EVC: variants seen among roughly 807,000 people sequenced by gnomAD.
EVC encodes evC complex member EVC.
EVC carries 116 observed loss-of-function variants against 118.9 expected under a neutral mutation model. The observed-to-expected ratio is 0.98, with a 90% CI of 0.84 to 1.14. The LOEUF is 1.14. EVC is among the 50% of genes most tolerant of loss of function. EVC has a pLI of 0.00. For missense variants in EVC, 1,401 were observed against 1,246.4 expected, an observed-to-expected ratio of 1.12 and a Z score of -1.87; for synonymous variants, 619 against 534.7, an observed-to-expected ratio of 1.16 and a Z score of -2.18.
chr4:5,736,559 G>T (rs562639587), intron 5 of EVC, among the ~76,000 whole-genome samples: 1 of 149,390 alleles, frequency 6.7e-6, no homozygotes, highest in African/African-American at 2.5e-5. Context: ...TCTGCATCCA[G>T]CAAGTCTGTT....
chr4:5,815,782 ACCTGACGTCC>A (rs1221461468), downstream of EVC, among the ~76,000 whole-genome samples: 1 of 151,984 alleles, frequency 6.6e-6, no homozygotes, highest in Non-Finnish European at 1.5e-5. Flanking sequence ...TTTGATTCGC[ACCTGACGTCC>A]CCCCTGGAAT....
rs558758070 is a variant in EVC, at chr4:5,731,250, C to A, written c.385-175C>A. On this transcript the variant is annotated intron_variant, in intron 3 of 20. Coordinates refer to ENST00000264956, the MANE Select transcript of EVC (RefSeq NM_153717.3). This position sits in a 1 kb window ranked among gnomAD's most constrained non-coding sequence, Gnocchi z 5.6. ...ACTGTGATTCGGGCCTCTGGGCTGT[C>A]GATGTGGCAGAACCTGGGACGGAAA... Among the ~76,000 whole-genome samples the A allele has an allele frequency of 6.6e-6, 1 of 152,042 alleles. No individual in the cohort carries two copies. Among genetic ancestry groups the A allele is most frequent in the East Asian group, 1.9e-4 (1 of 5,164 alleles).
At chr4:5,733,987 C>T (rs1344510755) in intron 5 of EVC, among the ~76,000 whole-genome samples, 1 of 152,056 alleles carries the variant, frequency 6.6e-6, no homozygotes, top group Non-Finnish European at 1.5e-5. Context: ...TTCATGGGGC[C>T]ACGTGTTCTC....
chr4:5,711,268 C>T lies in EVC; in HGVS notation c.-113C>T. The T allele has an allele frequency of 1.5e-6, 1 of 683,952 alleles. No homozygotes were observed. The highest frequency in any genetic ancestry group is 1.8e-6 in the Non-Finnish European group (1 of 553,876). 42.4% of individuals were successfully genotyped at this position (683,952 alleles called of 1,614,324 possible). A position where few individuals can be genotyped will look rare whatever the true frequency, so the allele number is the denominator to read the frequency against. On this transcript the variant is annotated 5_prime_UTR_variant, in exon 1 of 21. Transcript: ENST00000264956. ...GAGACTGCACAGGCCAGAAAGTCTGCGGAGCGGGCCGCGCCCCTGGCCCGC... is the reference window on the plus strand; with the variant it reads ...GAGACTGCACAGGCCAGAAAGTCTGTGGAGCGGGCCGCGCCCCTGGCCCGC...
chr4:5,761,943 G>C (rs1267056321), intron 11 of EVC, among the ~76,000 whole-genome samples: 1 of 151,178 alleles, frequency 6.6e-6, no homozygotes, highest in Admixed American at 6.6e-5. Flanking sequence ...GGGTACATGT[G>C]CACAATGTGC....
chr4:5,792,566 C>G (rs1712988207), intron 12 of EVC, among the ~76,000 whole-genome samples: 1 of 152,164 alleles, frequency 6.6e-6, no homozygotes, highest in African/African-American at 2.4e-5. Flanking sequence ...GACCGTAAGT[C>G]AGGCCGTGAA....
intron 3 of EVC, among the ~76,000 whole-genome samples, chr4:5,730,310 A>G (rs976266169): frequency 2.6e-5 from 4 of 152,176 alleles, no homozygotes; most frequent in South Asian, 2.1e-4. Flanking sequence ...CCCAAAGCCT[A>G]TTGGAGGTTC....
chr4:5,797,489 C>T (rs1714198683), intron 14 of EVC: 2 of 572,434 alleles, frequency 3.5e-6, no homozygotes, highest in African/African-American at 1.9e-5. Context: ...TCTGAGACCG[C>T]ACTCCCTGGC....
intron 7 of EVC, among the ~76,000 whole-genome samples, chr4:5,747,435 C>T (rs892820016): frequency 6.6e-6 from 1 of 152,304 alleles, no homozygotes; most frequent in Admixed American, 6.5e-5. Context: ...CTAACTCCCC[C>T]GAGCCTGTTC....
At chr4:5,796,918 C>T (rs1714063871) in intron 13 of EVC, 104 bp from the exon 14 acceptor site, 1 of 887,126 alleles carries the variant, frequency 1.1e-6, no homozygotes, top group Admixed American at 1.7e-5. Context: ...CAACCTGCTT[C>T]CTTTTGGAGG....
Position 5,783,714 on chromosome 4 carries a change from C to A in EVC, c.1726C>A (p.Arg576=). Residue 576 remains arginine, a synonymous_variant, in exon 12 of 21, where the codon CGG becomes AGG. Transcript: ENST00000264956. ...GCAGCTGGGGAAGTCAAATCGCTTC[C>A]GGAGGCAGCAGTGGAAACTCTTCCA... The part of the protein sequence containing the change: ...AWQLGKSNRF[R]RQQWKLFQEL... 1 of 1,613,954 alleles carries A rather than the reference C, an allele frequency of 6.2e-7. No individual in the cohort carries two copies. Among genetic ancestry groups the A allele is most frequent in the Non-Finnish European group, 8.5e-7 (1 of 1,179,904 alleles).
At chr4:5,774,711 G>T (rs990783605) in intron 11 of EVC, among the ~76,000 whole-genome samples, 4 of 152,114 alleles carry the variant, frequency 2.6e-5, no homozygotes. Context: ...TTCTGTTTGA[G>T]GGGGAGGGGA....
In EVC at chr4:5,798,904, A is replaced by T; in HGVS notation, c.2304+112A>T. The T allele has an allele frequency of 8.8e-7, 1 of 1,131,354 alleles. No individual in the cohort carries two copies. The allele number at this position is 1,131,354 out of a possible 1,614,324, so 70.1% of individuals were successfully genotyped here. A position where few individuals can be genotyped will look rare whatever the true frequency, so the allele number is the denominator to read the frequency against. ...GTTCATGGAGCTTGTGGCCTAGTAG[A>T]CTTTGCCTGACTTCTCCATGACTTG... On this transcript the variant is annotated intron_variant, in intron 15 of 20. Coordinates refer to ENST00000264956, the MANE Select transcript of EVC (RefSeq NM_153717.3). The surrounding 1 kb of genome is among the most constrained non-coding windows in gnomAD (Gnocchi z 4.1).
chr4:5,823,664 G>T, the EVC span, among the ~76,000 whole-genome samples: 2 of 152,166 alleles, frequency 1.3e-5, no homozygotes, highest in East Asian at 3.9e-4. Flanking sequence ...TTCTTCCTCT[G>T]TTGCCATGTG....
At position 5,719,239 on chromosome 4, in the gene EVC, G is replaced by A. The variant is rs753317536; in HGVS notation, c.175-9G>A. The A allele has an allele frequency of 4.3e-6, 7 of 1,613,994 alleles. No homozygotes were observed. The highest frequency in any genetic ancestry group is 2.7e-5 in the African/African-American group (2 of 74,914). ...TATCCACCCCCAACTCCTGACCTTC[G>A]GGTTTTAGAAAGACGACACTCAAAA... On this transcript the variant is annotated splice_polypyrimidine_tract_variant and intron_variant, in intron 1 of 20. Coordinates refer to ENST00000264956, the MANE Select transcript of EVC (RefSeq NM_153717.3). This position sits in a 1 kb window ranked among gnomAD's most constrained non-coding sequence, Gnocchi z 4.7.
intron 11 of EVC, among the ~76,000 whole-genome samples, chr4:5,768,911 A>G (rs1346494395): frequency 6.6e-6 from 1 of 151,938 alleles, no homozygotes; most frequent in East Asian, 1.9e-4. Context: ...AAAGGTGTGC[A>G]CAGAACAGGC....
chr4:5,793,451 A>T, intron 12 of EVC, 157 bp from the exon 13 acceptor site: 1 of 728,874 alleles, frequency 1.4e-6, no homozygotes, highest in Non-Finnish European at 2.4e-6. Flanking sequence ...TTAAGGTTTT[A>T]GAAGAAAATA....
rs561861113 is a variant in EVC, at chr4:5,769,815, C to A, written c.1563+13453C>A. Among the ~76,000 whole-genome samples the A allele has an allele frequency of 5.9e-5, 9 of 152,304 alleles. No individual in the cohort carries two copies. In the East Asian group the frequency reaches 1.7e-3, roughly 29 times the overall value. The stretch of plus-strand genomic sequence containing the variant: ...TTAGGGCTGAGAAAAAGAGAAAACA[C>A]TGGACTCTGTCCTTGAAGAACACAG... On this transcript the variant is annotated intron_variant, in intron 11 of 20. Coordinates refer to ENST00000264956, the MANE Select transcript of EVC (RefSeq NM_153717.3).
intron 2 of EVC, among the ~76,000 whole-genome samples, chr4:5,723,338 C>T (rs573398823): frequency 2.0e-5 from 3 of 151,976 alleles, no homozygotes; most frequent in Non-Finnish European, 4.4e-5. Flanking sequence ...TACAGGCATG[C>T]GCCACCACAC....
Sources: allele counts gnomAD v4.1 joint callset (sites outside exome capture counted in the v4.1 genomes callset), GRCh38; gene constraint gnomAD v4.1.1; non-coding constraint Gnocchi (gnomAD v3.1); transcripts MANE v1.5; gene names NCBI Gene and HGNC (gene_info 2026-07-23, HGNC 2026-07-21).